UQCC5: variants seen among roughly 807,000 people sequenced by gnomAD.
UQCC5 encodes ubiquinol-cytochrome c reductase complex assembly factor 5, also known as UPF0640 protein C3orf78.
chr3:52,538,354 A>C, the UQCC5 span, among the ~76,000 whole-genome samples: 2 of 152,206 alleles, frequency 1.3e-5, no homozygotes, highest in Non-Finnish European at 2.9e-5. Flanking sequence ...CGAGGTAGAT[A>C]TGGTTATACA....
the UQCC5 span, among the ~76,000 whole-genome samples, chr3:52,537,240 G>A: frequency 6.6e-6 from 1 of 152,184 alleles, no homozygotes; most frequent in Non-Finnish European, 1.5e-5. Flanking sequence ...TGGATATGAG[G>A]GGTCAGGGAA....
the UQCC5 span, chr3:52,536,966 C>T: frequency 6.5e-7 from 1 of 1,541,530 alleles, no homozygotes; most frequent in South Asian, 1.2e-5. Flanking sequence ...GGTAGGGATC[C>T]GTTTTTCTGG....
At chr3:52,537,009 A>T in the UQCC5 span, 1 of 1,449,260 alleles carries the variant, frequency 6.9e-7, no homozygotes, top group Non-Finnish European at 9.4e-7. Context: ...CGCGCATTCC[A>T]CTCAGAGCGC....
chr3:52,536,826 G>T, the UQCC5 span: 4 of 1,551,742 alleles, frequency 2.6e-6, no homozygotes, highest in East Asian at 4.9e-5. Flanking sequence ...GGCATCTACC[G>T]GTTCCTGCCC....
chr3:52,538,582 C>G, the UQCC5 span, among the ~76,000 whole-genome samples: 3 of 152,220 alleles, frequency 2.0e-5, no homozygotes, highest in Admixed American at 6.5e-5. Context: ...CTGCCTCAGC[C>G]TCTGGAGTAG....
the UQCC5 span, among the ~76,000 whole-genome samples, chr3:52,537,185 T>C: frequency 6.6e-6 from 1 of 152,154 alleles, no homozygotes; most frequent in Non-Finnish European, 1.5e-5. Context: ...GTGACATCGT[T>C]TGGGCTTAAG....
At chr3:52,536,839 C>A in the UQCC5 span, 1 of 1,551,758 alleles carries the variant, frequency 6.4e-7, no homozygotes, top group South Asian at 1.2e-5. Context: ...TCCTGCCCTT[C>A]TTTTTTGTCC....
the UQCC5 span, among the ~76,000 whole-genome samples, chr3:52,538,627 A>G: frequency 2.0e-5 from 3 of 151,910 alleles, no homozygotes; most frequent in African/African-American, 7.3e-5. Flanking sequence ...ACGCCCGGCT[A>G]ATTTTGTATT....
chr3:52,536,751 C>T, the UQCC5 span: 4 of 1,551,762 alleles, frequency 2.6e-6, no homozygotes, highest in Non-Finnish European at 3.5e-6. Context: ...CGACCTCGGT[C>T]GAGCATGTTC....
At chr3:52,538,965 C>G in the UQCC5 span, among the ~76,000 whole-genome samples, 1 of 151,994 alleles carries the variant, frequency 6.6e-6, no homozygotes, top group African/African-American at 2.4e-5. Context: ...GATACTGGAC[C>G]CTTGAGAGGG....
At chr3:52,540,541 G>T in the UQCC5 span, 1 of 1,277,252 alleles carries the variant, frequency 7.8e-7, no homozygotes, top group Admixed American at 2.9e-5. Flanking sequence ...TGGTTTCAGT[G>T]CCTTTTAAAA....
the UQCC5 span, chr3:52,541,332 A>C: frequency 6.6e-6 from 1 of 152,210 alleles, no homozygotes; most frequent in South Asian, 2.1e-4. Context: ...TCAAGCAAAA[A>C]AAAATCTACA....
the UQCC5 span, among the ~76,000 whole-genome samples, chr3:52,537,554 T>C: frequency 6.6e-6 from 1 of 152,224 alleles, no homozygotes; most frequent in Non-Finnish European, 1.5e-5. Context: ...TTTTAAAGAA[T>C]TGTTACATTA....
chr3:52,536,738 C>T, the UQCC5 span: 3 of 1,551,612 alleles, frequency 1.9e-6, no homozygotes, highest in African/African-American at 2.7e-5. Context: ...ATATCCCTCT[C>T]CACGACCTCG....
the UQCC5 span, chr3:52,536,999 C>A: frequency 6.7e-7 from 1 of 1,481,756 alleles, no homozygotes; most frequent in Non-Finnish European, 9.1e-7. Flanking sequence ...GATTGCAGAC[C>A]GCGCATTCCA....
chr3:52,536,883 T>G, the UQCC5 span: 1 of 1,551,628 alleles, frequency 6.4e-7, no homozygotes, highest in African/African-American at 1.4e-5. Flanking sequence ...ATGATTAAAG[T>G]GCGCGTGGGC....
the UQCC5 span, among the ~76,000 whole-genome samples, chr3:52,537,703 A>C: frequency 2.6e-5 from 4 of 152,128 alleles, no homozygotes; most frequent in Admixed American, 2.6e-4. Context: ...TGATAAAGAC[A>C]ATTAGCATAC....
chr3:52,537,619 A>G, the UQCC5 span, among the ~76,000 whole-genome samples: 2 of 152,218 alleles, frequency 1.3e-5, no homozygotes, highest in Admixed American at 1.3e-4. Flanking sequence ...ATACTTAATG[A>G]GCATTCTTGA....
the UQCC5 span, chr3:52,540,798 G>GT: frequency 4.3e-6 from 1 of 233,896 alleles, no homozygotes; most frequent in Non-Finnish European, 8.2e-6. Flanking sequence ...AGCCCGAATT[G>GT]TTTTCGGCAA....
Sources: gnomAD v4.1 joint callset for allele counts (sites outside exome capture counted in the v4.1 genomes callset) on GRCh38, gnomAD v4.1.1 for gene constraint, MANE v1.5 for transcripts, NCBI Gene and HGNC (gene_info 2026-07-23, HGNC 2026-07-21) for gene names.